Variants in RPS6KA5 observed in about 807,000 individuals in gnomAD.
RPS6KA5 encodes the protein ribosomal protein S6 kinase alpha-5.
RPS6KA5 carries 27 observed loss-of-function variants against 85.5 expected under a neutral mutation model. That is an observed-to-expected ratio of 0.32 (90% CI 0.23 to 0.44). The LOEUF is 0.44. Ranked by LOEUF, RPS6KA5 falls within the 20% of genes least tolerant of loss-of-function variation. The pLI is 1.00. For missense variants in RPS6KA5, 811 were observed against 980.9 expected (o/e 0.83, Z 2.31); for synonymous variants, 334 against 348.2 (o/e 0.96, Z 0.46).
Position 91,001,175 on chromosome 14 carries a change from AGG to A in RPS6KA5, c.104-18_104-17del. On this transcript the variant is annotated splice_polypyrimidine_tract_variant and intron_variant, in intron 1 of 16. Coordinates refer to ENST00000614987, the MANE Select transcript of RPS6KA5 (RefSeq NM_004755.4). ...GTCAAATTAGCTAAAAGAAAAAAAG[AGG>A]AAAAAAAAAACAAGAGGGTCAGCAA... 1 of 1,556,612 alleles carries A rather than the reference AGG, an allele frequency of 6.4e-7. No individual in the cohort carries two copies.
chr14:90,946,435 C>T (rs1665066342), intron 4 of RPS6KA5, among the ~76,000 whole-genome samples: 2 of 152,136 alleles, frequency 1.3e-5, no homozygotes, highest in Admixed American at 1.3e-4. Flanking sequence ...CTGGATCTGC[C>T]CTTTTCCTGA....
chr14:90,886,739 A>G (rs1186376269), intron 14 of RPS6KA5, among the ~76,000 whole-genome samples: 4 of 152,324 alleles, frequency 2.6e-5, no homozygotes, highest in Admixed American at 6.5e-5. Flanking sequence ...AAGCTGCCTA[A>G]TTTGTGGTAT....
intron 1 of RPS6KA5, among the ~76,000 whole-genome samples, chr14:91,003,963 A>G (rs555895805): frequency 1.6e-4 from 24 of 152,380 alleles, no homozygotes; most frequent in African/African-American, 5.8e-4. Context: ...TAAGTCCTTA[A>G]GCAGGTCCAT....
At chr14:90,880,627 T>C (rs908706229) in intron 14 of RPS6KA5, among the ~76,000 whole-genome samples, 1 of 152,188 alleles carries the variant, frequency 6.6e-6, no homozygotes, top group African/African-American at 2.4e-5. Flanking sequence ...GGTTGTTTTA[T>C]CCATTATTGA....
intron 3 of RPS6KA5, among the ~76,000 whole-genome samples, chr14:90,976,221 AAGAGAGGAGACAGAAAGGGCGGGGGC>A (rs1566815949): frequency 6.8e-5 from 10 of 146,592 alleles, no homozygotes; most frequent in Admixed American, 1.4e-4. Flanking sequence ...AAAAAAAAAA[AAGAGAGGAGACAGAAAGGGCGGGGGC>A]AGGCTAGAGA....
intron 1 of RPS6KA5, among the ~76,000 whole-genome samples, chr14:91,018,658 AC>A (rs1157020129): frequency 6.6e-6 from 1 of 152,016 alleles, no homozygotes; most frequent in Non-Finnish European, 1.5e-5. Flanking sequence ...TTGGACTTAC[AC>A]CAGTGGTTTG....
chr14:90,983,995 C>T (rs1205598839), intron 2 of RPS6KA5, among the ~76,000 whole-genome samples: 1 of 152,120 alleles, frequency 6.6e-6, no homozygotes, highest in African/African-American at 2.4e-5. Flanking sequence ...CAGGTGCCCA[C>T]GACCACACCC....
At chr14:91,021,458 C>T (rs894002093) in intron 1 of RPS6KA5, among the ~76,000 whole-genome samples, 1 of 152,108 alleles carries the variant, frequency 6.6e-6, no homozygotes, top group Non-Finnish European at 1.5e-5. Context: ...CTGGGCAACA[C>T]AGTAAGATCC....
chr14:90,900,129 G>C lies in RPS6KA5; in HGVS notation c.1358C>G (p.Ala453Gly). ...CVHKKSNQAF[A>G]VKIISKRMEA... ...ATACCTTTTGCTGATTATTTTGACT[G>C]CAAAAGCTTGGTTACTTTTTTTATG... is the stretch of plus-strand genomic sequence containing the variant. Residue 453 changes from alanine to glycine, a missense_variant, in exon 11 of 17, where the codon GCA becomes GGA. Ala to Gly is a moderately conservative substitution (Grantham distance 60). Transcript: ENST00000614987. 6.2e-7 allele frequency: 1 copy of C among 1,600,402 alleles called. No individual in the cohort carries two copies. The highest frequency in any genetic ancestry group is 8.5e-7 in the Non-Finnish European group (1 of 1,172,852).
chr14:91,034,033 C>CAGTG lies in RPS6KA5; in HGVS notation c.103+26295_103+26298dup, dbSNP rs1458208380. Among the ~76,000 whole-genome samples, 9 of 152,204 alleles carry CAGTG rather than the reference C, an allele frequency of 5.9e-5. 1 individual carries two copies. In the South Asian group the frequency reaches 6.2e-4, roughly 11 times the overall value. On this transcript the variant is annotated intron_variant, in intron 1 of 16. Coordinates refer to ENST00000614987, the MANE Select transcript of RPS6KA5 (RefSeq NM_004755.4). ...TAAAGAATTCTTTTTAGGCCAGGCG[C>CAGTG]AGTGGTTCATGCCTGTATTCTCAAC... is the stretch of plus-strand genomic sequence containing the variant.
intron 2 of RPS6KA5, among the ~76,000 whole-genome samples, chr14:90,983,707 G>A (rs986574739): frequency 6.6e-6 from 1 of 151,868 alleles, no homozygotes; most frequent in Non-Finnish European, 1.5e-5. Flanking sequence ...GGGGCATCGG[G>A]AAAGGGGAAT....
rs995096349 is a variant in RPS6KA5, at chr14:90,900,662, C to T, written c.1194G>A (p.Met398Ile). Reference protein sequence around the residue: ...AAVIDPLQFHMGVERPGVTNV... With the variant: ...AAVIDPLQFHIGVERPGVTNV... ...TTGTCACTCCAGGACGTTCAACTCC[C>T]ATGTGAAACTGAAGAGGGTCTATGA... is the stretch of plus-strand genomic sequence containing the variant. The change falls in exon 10 of 17, where the codon ATG (methionine) becomes ATA (isoleucine). Residue 398 changes from methionine to isoleucine, a missense_variant. Met to Ile is a conservative substitution (Grantham distance 10). Coordinates refer to ENST00000614987, the MANE Select transcript of RPS6KA5 (RefSeq NM_004755.4). 1 of 1,613,986 alleles carries T rather than the reference C, an allele frequency of 6.2e-7. No homozygotes were observed. The highest frequency in any genetic ancestry group is 8.5e-7 in the Non-Finnish European group (1 of 1,179,892).
intron 1 of RPS6KA5, among the ~76,000 whole-genome samples, chr14:91,039,151 C>A (rs190538479): frequency 1.9e-3 from 288 of 152,252 alleles, no homozygotes; most frequent in Non-Finnish European, 2.3e-3. Flanking sequence ...TAGTCCCAAT[C>A]CCCTGAAGGT....
rs2032784347 is a variant in RPS6KA5 at position 90,865,908 on chromosome 14, T to C, written c.*6166A>G. ...TATGTTGATTGCAGATGTTTCTATC[T>C]CAGAATTTAAGTCTACTTGCTTTCT... On this transcript the variant is annotated 3_prime_UTR_variant, in exon 17 of 17. Coordinates refer to ENST00000614987, the MANE Select transcript of RPS6KA5 (RefSeq NM_004755.4). 6.6e-6 allele frequency: 1 copy of C among 152,340 alleles called. No individual in the cohort carries two copies. The highest frequency in any genetic ancestry group is 2.4e-5 in the African/African-American group (1 of 41,572). The allele number at this position is 152,340 out of a possible 1,614,324, so 9.4% of individuals were successfully genotyped here.
At chr14:91,035,172 G>T (rs1431382842) in intron 1 of RPS6KA5, among the ~76,000 whole-genome samples, 1 of 151,032 alleles carries the variant, frequency 6.6e-6, no homozygotes, top group Non-Finnish European at 1.5e-5. Context: ...CATCAATGAA[G>T]TCTGCCTGAT....
In RPS6KA5 at chr14:90,863,622, C is replaced by T. The variant is rs1041737423; in HGVS notation, c.*8452G>A. 6.6e-6 allele frequency: 1 copy of T among 151,828 alleles called. No homozygotes were observed. The highest frequency in any genetic ancestry group is 1.5e-5 in the Non-Finnish European group (1 of 67,964). 9.4% of individuals were successfully genotyped at this position (151,828 alleles called of 1,614,324 possible). ...GTGAAAGGGTAATATACCAAAAAAA[C>T]TATATTTCTATAAACTAATTAAAAA... On this transcript the variant is annotated 3_prime_UTR_variant, in exon 17 of 17. Coordinates refer to ENST00000614987, the MANE Select transcript of RPS6KA5 (RefSeq NM_004755.4).
intron 1 of RPS6KA5, among the ~76,000 whole-genome samples, chr14:91,006,931 T>C (rs1163185029): frequency 6.6e-6 from 1 of 152,164 alleles, no homozygotes; most frequent in Non-Finnish European, 1.5e-5. Flanking sequence ...TTAGATGTAG[T>C]TGGAAGGGAA....
intron 7 of RPS6KA5, among the ~76,000 whole-genome samples, chr14:90,915,396 T>C: frequency 6.6e-6 from 1 of 152,210 alleles, no homozygotes; most frequent in Non-Finnish European, 1.5e-5. Context: ...TAGTGGACTC[T>C]ACTGCCTTTC....
intron 4 of RPS6KA5, among the ~76,000 whole-genome samples, chr14:90,944,699 G>C (rs2037774570): frequency 6.6e-6 from 1 of 151,724 alleles, no homozygotes. Flanking sequence ...AGGTTACGGT[G>C]AGCTGAGATC....
Sources: allele counts gnomAD v4.1 joint callset (sites outside exome capture counted in the v4.1 genomes callset), GRCh38; gene constraint gnomAD v4.1.1; transcripts MANE v1.5; gene names NCBI Gene and HGNC (gene_info 2026-07-23, HGNC 2026-07-21).